Variants in F10 observed in about 807,000 individuals in gnomAD.
F10 encodes the protein coagulation factor X, also known as Stuart-Prower factor.
Under a neutral mutation model 37.1 loss-of-function variants are expected in F10, and 29 were observed. The observed-to-expected ratio is 0.78, with a 90% CI of 0.58 to 1.07. The LOEUF (loss-of-function observed/expected upper bound fraction) is 1.07, where lower values mean the gene tolerates loss of function less well. F10 is among the 50% of genes least tolerant of loss of function. The pLI is 0.00. For synonymous variants in F10, 262 were observed against 268.6 expected, an observed-to-expected ratio of 0.98 and a Z score of 0.24; for missense variants, 539 against 667.9, an observed-to-expected ratio of 0.81 and a Z score of 2.13.
At chr13:113,128,400 A>T (rs1415461233) in intron 1 of F10, 1 of 152,212 alleles carries the variant, frequency 6.6e-6, no homozygotes, top group African/African-American at 2.4e-5. Context: ...ATTGGCAATC[A>T]GTTGAAAGAG....
chr13:113,148,831 A>C (rs1305608946), intron 7 of F10, 85 bp from the exon 8 acceptor site: 8 of 1,534,992 alleles, frequency 5.2e-6, no homozygotes, highest in Non-Finnish European at 7.0e-6. Flanking sequence ...ATTTAAAAAA[A>C]TATATATAAC....
rs1236735451 is a variant in F10, at chr13:113,146,568, T to A, written c.748-811T>A. Among the ~76,000 whole-genome samples, 2 of 152,190 alleles carry A rather than the reference T, an allele frequency of 1.3e-5. No homozygotes were observed. Among genetic ancestry groups the A allele is most frequent in the East Asian group, 3.8e-4 (2 of 5,198 alleles). Reference sequence around the variant, plus strand: ...TTAGGAAGAATGGTTGGTGTTCGTGTCTTAGAAAGCCTGACTTTCCCTCAT... The same window carrying A: ...TTAGGAAGAATGGTTGGTGTTCGTGACTTAGAAAGCCTGACTTTCCCTCAT... On this transcript the variant is annotated intron_variant, in intron 6 of 7. Coordinates refer to ENST00000375559, the MANE Select transcript of F10 (RefSeq NM_000504.4). The surrounding 1 kb of genome is among the most constrained non-coding windows in gnomAD (Gnocchi z 4.5).
chr13:113,128,761 G>A (rs942798473), intron 1 of F10: 2 of 152,350 alleles, frequency 1.3e-5, no homozygotes, highest in Non-Finnish European at 2.9e-5. Flanking sequence ...TCGGGAGGCT[G>A]AGACAGTAGA....
At chr13:113,138,530 T>G in intron 3 of F10, 49 bp downstream of exon 3, 1 of 1,232,062 alleles carries the variant, frequency 8.1e-7, no homozygotes. Context: ...TTCATCAGGA[T>G]ATTTGAATTT....
chr13:113,130,274 A>G (rs776906), intron 2 of F10: 19,606 of 155,594 alleles, frequency 0.13, 1,359 homozygotes, highest in South Asian at 0.22. Flanking sequence ...GGAGGAGAGC[A>G]ATGCCACCAG....
chr13:113,129,778 C>A (rs1262953007), intron 2 of F10, among the ~76,000 whole-genome samples, 166 bp downstream of exon 2: 1 of 152,218 alleles, frequency 6.6e-6, no homozygotes, highest in Non-Finnish European at 1.5e-5. Context: ...CGGAGTCCTG[C>A]CCACAGGGAC....
Position 113,149,123 on chromosome 13 carries a change from CG to C in F10, c.1077del (p.Ile360LeufsTer2). The C allele has an allele frequency of 1.2e-6, 2 of 1,613,058 alleles. No individual in the cohort carries two copies. The highest frequency in any genetic ancestry group is 1.7e-6 in the Non-Finnish European group (2 of 1,179,998). Reference sequence around the variant, plus strand: ...GAGTCCACGCTGATGACGCAGAAGACGGGGATTGTGAGCGGCTTCGGGCGCA... The same window carrying C: ...GAGTCCACGCTGATGACGCAGAAGACGGGATTGTGAGCGGCTTCGGGCGCA... ...WAESTLMTQK[T>X]GIVSGFGRTH... On this transcript the variant is annotated frameshift_variant, in exon 8 of 8. Coordinates refer to ENST00000375559, the MANE Select transcript of F10 (RefSeq NM_000504.4). LOFTEE classifies it low-confidence loss of function (END_TRUNC). The surrounding 1 kb of genome is among the most constrained non-coding windows in gnomAD (Gnocchi z 7.5).
At position 113,144,117 on chromosome 13, in the gene F10, G is replaced by T. The variant is rs577804663; in HGVS notation, c.747+22G>T. On this transcript the variant is annotated intron_variant, in intron 6 of 7. Coordinates refer to ENST00000375559, the MANE Select transcript of F10 (RefSeq NM_000504.4). The surrounding 1 kb of genome is among the most constrained non-coding windows in gnomAD (Gnocchi z 6.4). ...GCAGGTAACAGTAGGATGTCCCCTCGGGCCTGCTGGAGAGACCACCTGTCC... is the reference window on the plus strand; with the variant it reads ...GCAGGTAACAGTAGGATGTCCCCTCTGGCCTGCTGGAGAGACCACCTGTCC... 6.2e-7 allele frequency: 1 copy of T among 1,612,938 alleles called. No homozygotes were observed.
chr13:113,144,286 C>T lies in F10; in HGVS notation c.747+191C>T, dbSNP rs530394941. The T allele has an allele frequency of 1.5e-4, 126 of 828,100 alleles. No homozygotes were observed. The highest frequency in any genetic ancestry group is 5.1e-4 in the Admixed American group (22 of 43,102). 51.3% of individuals were successfully genotyped at this position (828,100 alleles called of 1,614,324 possible). On this transcript the variant is annotated intron_variant, in intron 6 of 7. Transcript: ENST00000375559. The surrounding 1 kb of genome is among the most constrained non-coding windows in gnomAD (Gnocchi z 6.4). ...GGGCAGCCAAGGAGGCTGTGAGCTC[C>T]ACAGGGAAGTGGCCGGGGCTGAGGG...
chr13:113,127,182 T>C (rs1467210276), intron 1 of F10, among the ~76,000 whole-genome samples: 7 of 152,222 alleles, frequency 4.6e-5, no homozygotes, highest in Non-Finnish European at 8.8e-5. Context: ...AGAGTAGATA[T>C]TATAATTCCC....
chr13:113,127,658 A>T (rs768837402), intron 1 of F10, among the ~76,000 whole-genome samples: 11 of 152,110 alleles, frequency 7.2e-5, no homozygotes, highest in South Asian at 4.1e-4. Flanking sequence ...ATTTTTTTTT[A>T]AAAGAGTAGA....
Position 113,140,859 on chromosome 13 carries a change from G to A in F10, c.371-60G>A, listed in dbSNP as rs1199598217. The A allele has an allele frequency of 8.1e-6, 13 of 1,612,488 alleles. No homozygotes were observed. The East Asian group carries it at 2.2e-4, about 28-fold the overall frequency. ...CAAGTGGATGTAGCTGGCACCCTTG[G>A]GCCAGCCCAGCCTCCATTTCTCCAG... is the stretch of plus-strand genomic sequence containing the variant. On this transcript the variant is annotated intron_variant, in intron 4 of 7. Transcript: ENST00000375559.
chr13:113,123,160 A>T (rs1246658955), intron 1 of F10, among the ~76,000 whole-genome samples: 1 of 152,202 alleles, frequency 6.6e-6, no homozygotes. Context: ...AGACAAAAAC[A>T]CAAGGACAGA....
chr13:113,143,176 TCCTGCTCCCCCACACC>T lies in F10; in HGVS notation c.503-669_503-654del. 7.2e-6 allele frequency among the ~76,000 whole-genome samples: 1 copy of T among 138,356 alleles called. No homozygotes were observed. The highest frequency in any genetic ancestry group is 2.2e-4 in the East Asian group (1 of 4,504). 90.8% of individuals were successfully genotyped at this position (138,356 alleles called of 152,430 possible). ...CCATCCATTCCCCCCTCCTCTCCTC[TCCTGCTCCCCCACACC>T]CCTGCCTTCCTCCAACATGTTTCAG... is the stretch of plus-strand genomic sequence containing the variant. On this transcript the variant is annotated intron_variant, in intron 5 of 7. Coordinates refer to ENST00000375559, the MANE Select transcript of F10 (RefSeq NM_000504.4). This position sits in a 1 kb window ranked among gnomAD's most constrained non-coding sequence, Gnocchi z 6.8.
chr13:113,135,290 A>C (rs1297726095), intron 2 of F10, among the ~76,000 whole-genome samples: 1 of 152,070 alleles, frequency 6.6e-6, no homozygotes, highest in East Asian at 1.9e-4. Context: ...TTTTTCAACA[A>C]ATTATATTAG....
chr13:113,129,665 C>A, intron 2 of F10, 53 bp downstream of exon 2: 1 of 1,610,244 alleles, frequency 6.2e-7, no homozygotes, highest in Non-Finnish European at 8.5e-7. Flanking sequence ...CCACAGCGCC[C>A]TCGCTGGCCC....
intron 1 of F10, among the ~76,000 whole-genome samples, chr13:113,123,945 GC>G (rs2036345996): frequency 6.6e-6 from 1 of 152,176 alleles, no homozygotes; most frequent in East Asian, 1.9e-4. Context: ...TCCCCCTCAG[GC>G]CACACTGCCC....
rs950750905 is a variant in F10, at chr13:113,141,573, A to G, written c.502+523A>G. Among the ~76,000 whole-genome samples the G allele has an allele frequency of 6.6e-6, 1 of 152,152 alleles. No homozygotes were observed. The highest frequency in any genetic ancestry group is 2.4e-5 in the African/African-American group (1 of 41,428). On this transcript the variant is annotated intron_variant, in intron 5 of 7. Coordinates refer to ENST00000375559, the MANE Select transcript of F10 (RefSeq NM_000504.4). This position sits in a 1 kb window ranked among gnomAD's most constrained non-coding sequence, Gnocchi z 5.4. ...ACGTAGTTTTTCTTTTCCTTGATGA[A>G]TGTGGACAACAGGCGGCCAGAGGGC...
At chr13:113,132,477 A>T (rs1452390647) in intron 2 of F10, among the ~76,000 whole-genome samples, 1 of 152,246 alleles carries the variant, frequency 6.6e-6, no homozygotes, top group African/African-American at 2.4e-5. Context: ...CTTCTAGATT[A>T]TCATCTAAGA....
Sources: allele counts gnomAD v4.1 joint callset (sites outside exome capture counted in the v4.1 genomes callset), GRCh38; gene constraint gnomAD v4.1.1; non-coding constraint Gnocchi (gnomAD v3.1); transcripts MANE v1.5; gene names NCBI Gene and HGNC (gene_info 2026-07-23, HGNC 2026-07-21).